Variants in PUM1 observed in about 807,000 individuals in gnomAD.
PUM1 encodes pumilio RNA binding family member 1.
PUM1 carries 13 observed loss-of-function variants against 131.8 expected under a neutral mutation model. The ratio of observed to expected loss-of-function variants is 0.10; its 90% CI spans 0.06 to 0.16. The LOEUF (loss-of-function observed/expected upper bound fraction) is 0.16. Ranked by LOEUF, PUM1 falls within the 10% of genes least tolerant of loss-of-function variation. PUM1 has a pLI of 1.00. For synonymous variants in PUM1, 509 were observed against 556.5 expected (o/e 0.91, Z 1.20); for missense variants, 961 against 1,512.4 (o/e 0.64, Z 6.05).
At chr1:31,056,060 A>G (rs1644229620) in intron 2 of PUM1, among the ~76,000 whole-genome samples, 1 of 152,156 alleles carries the variant, frequency 6.6e-6, no homozygotes, top group Non-Finnish European at 1.5e-5. Context: ...AATACCTCCT[A>G]CCTTGATTTC....
At chr1:30,957,145 T>C (rs982315247) in intron 14 of PUM1, among the ~76,000 whole-genome samples, 48 of 148,592 alleles carry the variant, frequency 3.2e-4, no homozygotes, top group African/African-American at 1.1e-3. Flanking sequence ...CTAAGAAATA[T>C]AGACATCTCT....
At chr1:30,995,495 T>C (rs954527288) in intron 5 of PUM1, among the ~76,000 whole-genome samples, 1 of 152,214 alleles carries the variant, frequency 6.6e-6, no homozygotes, top group Non-Finnish European at 1.5e-5. Context: ...TCCTTTTTTT[T>C]CTTCCTTCCT....
At chr1:31,020,863 A>T (rs1015740918) in intron 3 of PUM1, among the ~76,000 whole-genome samples, 6 of 152,248 alleles carry the variant, frequency 3.9e-5, no homozygotes, top group African/African-American at 1.4e-4. Flanking sequence ...TGCACCAATT[A>T]ATCAAAATAC....
intron 9 of PUM1, among the ~76,000 whole-genome samples, chr1:30,975,637 G>C (rs1379025447): frequency 6.8e-6 from 1 of 146,246 alleles, no homozygotes; most frequent in African/African-American, 2.5e-5. Flanking sequence ...CTTTAGGCTT[G>C]AGCCACCAGG....
intron 2 of PUM1, among the ~76,000 whole-genome samples, chr1:31,035,072 T>C (rs1385568449): frequency 3.3e-5 from 5 of 152,230 alleles, no homozygotes; most frequent in Admixed American, 3.3e-4. Flanking sequence ...TAATAACAAC[T>C]ATTACTAAGA....
At position 30,932,665 on chromosome 1, in the gene PUM1, A is replaced by ATTTT. The variant is rs1491182036; in HGVS notation, c.*542_*545dup. The stretch of plus-strand genomic sequence containing the variant: ...TATATATATATATATATATATATAT[A>ATTTT]TTTTTTATAAACAGTGTTAAATGCC... On this transcript the variant is annotated 3_prime_UTR_variant, in exon 22 of 22. Transcript: ENST00000426105. 1.8e-4 allele frequency: 13 copies of ATTTT among 70,604 alleles called. No individual in the cohort carries two copies. Among genetic ancestry groups the ATTTT allele is most frequent in the African/African-American group, 2.8e-4 (6 of 21,428 alleles). The allele number at this position is 70,604 out of a possible 1,614,324, so 4.4% of individuals were successfully genotyped here.
At chr1:30,991,355 AG>A (rs1271672303) in intron 7 of PUM1, among the ~76,000 whole-genome samples, 4 of 152,210 alleles carry the variant, frequency 2.6e-5, no homozygotes, top group Non-Finnish European at 5.9e-5. Context: ...AATCCCTTAA[AG>A]GTATTTATTG....
intron 7 of PUM1, among the ~76,000 whole-genome samples, chr1:30,990,666 C>T (rs951502460): frequency 3.3e-5 from 5 of 151,328 alleles, no homozygotes; most frequent in Admixed American, 6.6e-5. Flanking sequence ...TTAGGGCCCC[C>T]GGTACAAGAA....
intron 12 of PUM1, among the ~76,000 whole-genome samples, chr1:30,966,829 C>G (rs577806801): frequency 5.3e-5 from 8 of 151,968 alleles, no homozygotes; most frequent in Non-Finnish European, 1.0e-4. Context: ...AAAAAACAAC[C>G]CCTCCTCTAA....
At chr1:30,965,616 C>T (rs1404297353) in intron 13 of PUM1, among the ~76,000 whole-genome samples, 3 of 152,218 alleles carry the variant, frequency 2.0e-5, no homozygotes, top group Non-Finnish European at 4.4e-5. Context: ...GCCAAGAACT[C>T]GGCTCAGTCT....
intron 2 of PUM1, among the ~76,000 whole-genome samples, chr1:31,038,032 T>C (rs574669128): frequency 7.5e-4 from 113 of 151,526 alleles, no homozygotes; most frequent in African/African-American, 2.7e-3. Context: ...TGAGCCGAGA[T>C]TTCGCCACTG....
intron 10 of PUM1, among the ~76,000 whole-genome samples, chr1:30,970,896 G>A (rs1202297915): frequency 6.6e-6 from 1 of 152,182 alleles, no homozygotes; most frequent in African/African-American, 2.4e-5. Context: ...GAAAGGGCAG[G>A]TGTGGTAGAG....
rs57174960 is a variant in PUM1, at chr1:31,037,861, G to A, written c.364-8997C>T. The stretch of plus-strand genomic sequence containing the variant: ...GTCAGGAGATCATCTGGCTAACACA[G>A]TCAGGAGGTCAGCAGACCATCCTGG... On this transcript the variant is annotated intron_variant, in intron 2 of 21. Coordinates refer to ENST00000426105, the MANE Select transcript of PUM1 (RefSeq NM_001020658.2). Among the ~76,000 whole-genome samples, 151 of 151,982 alleles carry A rather than the reference G, an allele frequency of 9.9e-4. 1 individual carries two copies. Among genetic ancestry groups the A allele is most frequent in the African/African-American group, 3.5e-3 (144 of 41,448 alleles).
intron 7 of PUM1, among the ~76,000 whole-genome samples, chr1:30,984,879 G>C (rs1420346061): frequency 6.6e-6 from 1 of 151,986 alleles, no homozygotes; most frequent in Non-Finnish European, 1.5e-5. Context: ...GAGGAGTAAT[G>C]TCTAAATAAG....
At chr1:30,945,589 G>A in intron 17 of PUM1, 106 bp from the exon 18 acceptor site, 1 of 1,220,368 alleles carries the variant, frequency 8.2e-7, no homozygotes. Flanking sequence ...GAGAATCTGT[G>A]ATGATGAAAG....
In PUM1 at chr1:30,951,546, G is replaced by A. The variant is rs563178413; in HGVS notation, c.2721+688C>T. Among the ~76,000 whole-genome samples, 22 of 151,704 alleles carry A rather than the reference G, an allele frequency of 1.5e-4. No individual in the cohort carries two copies. In the South Asian group the frequency reaches 4.2e-3, roughly 29 times the overall value. ...CCCATACCAGACTCCTCCTCATCTCGAAGTTTTGTGCCATTCTGCATCTAC... is the reference window on the plus strand; with the variant it reads ...CCCATACCAGACTCCTCCTCATCTCAAAGTTTTGTGCCATTCTGCATCTAC... On this transcript the variant is annotated intron_variant, in intron 16 of 21. Transcript: ENST00000426105.
At chr1:30,999,819 T>C (rs988865333) in intron 5 of PUM1, among the ~76,000 whole-genome samples, 2 of 152,098 alleles carry the variant, frequency 1.3e-5, no homozygotes, top group Middle Eastern at 3.2e-3. Context: ...AAATGTAATA[T>C]AATAGTAATA....
intron 8 of PUM1, among the ~76,000 whole-genome samples, chr1:30,980,894 T>C (rs1557568527): frequency 6.6e-6 from 1 of 152,208 alleles, no homozygotes; most frequent in East Asian, 1.9e-4. Context: ...ATGAGAATAC[T>C]TTTAAATTTT....
intron 15 of PUM1, 80 bp from the exon 16 acceptor site, chr1:30,952,443 T>C (rs1639972689): frequency 2.5e-6 from 4 of 1,598,630 alleles, no homozygotes; most frequent in South Asian, 1.1e-5. Context: ...GTTTATAGAC[T>C]GCATCCGTTC....
Sources: allele counts gnomAD v4.1 joint callset (sites outside exome capture counted in the v4.1 genomes callset), GRCh38; gene constraint gnomAD v4.1.1; transcripts MANE v1.5; gene names NCBI Gene and HGNC (gene_info 2026-07-23, HGNC 2026-07-21).